The following TMEM87A variants were observed in gnomAD, a reference collection of about 807,000 sequenced individuals.
TMEM87A encodes the protein Golgi-pH regulating cation channel.
In TMEM87A, 50 loss-of-function variants were observed where a neutral mutation model predicts 90.0. That is an observed-to-expected ratio of 0.56 (90% CI 0.44 to 0.70). The LOEUF (loss-of-function observed/expected upper bound fraction) is 0.70, where lower values mean the gene tolerates loss of function less well. Among genes scored for constraint, TMEM87A ranks in the 30% least tolerant of loss-of-function variants. TMEM87A has a pLI of 0.00. For synonymous variants in TMEM87A, 226 were observed against 226.7 expected (o/e 1.00, Z 0.03); for missense variants, 577 against 660.5 (o/e 0.87, Z 1.39).
intron 6 of TMEM87A, among the ~76,000 whole-genome samples, chr15:42,247,145 T>A (rs1477818313): frequency 6.6e-6 from 1 of 152,202 alleles, no homozygotes; most frequent in East Asian, 1.9e-4. Flanking sequence ...TGGGGTTGAT[T>A]TTTTCTTGTA....
chr15:42,251,068 G>C (rs1327196024), intron 6 of TMEM87A, among the ~76,000 whole-genome samples: 1 of 151,898 alleles, frequency 6.6e-6, no homozygotes, highest in African/African-American at 2.4e-5. Flanking sequence ...CATAGTTCTC[G>C]TGCCATGGTT....
intron 6 of TMEM87A, among the ~76,000 whole-genome samples, chr15:42,251,186 ATCC>A (rs1192984943): frequency 6.6e-6 from 1 of 152,128 alleles, no homozygotes. Flanking sequence ...GGGTTTGAAC[ATCC>A]TCCTTTAGCT....
At chr15:42,268,956 A>G (rs2051459184) in intron 2 of TMEM87A, among the ~76,000 whole-genome samples, 1 of 152,220 alleles carries the variant, frequency 6.6e-6, no homozygotes, top group Non-Finnish European at 1.5e-5. Flanking sequence ...CAATGAACGA[A>G]AAGCAAACAT....
At chr15:42,255,085 C>T (rs1245187795) in intron 6 of TMEM87A, among the ~76,000 whole-genome samples, 3 of 151,742 alleles carry the variant, frequency 2.0e-5, no homozygotes, top group Non-Finnish European at 4.4e-5. Flanking sequence ...ACTTCAGCCT[C>T]CCCTGTAGCG....
chr15:42,270,349 G>A (rs959424661), intron 2 of TMEM87A, among the ~76,000 whole-genome samples: 5 of 152,172 alleles, frequency 3.3e-5, no homozygotes, highest in Middle Eastern at 3.4e-3. Context: ...CAGCCTGGGC[G>A]TCACAGCAAA....
intron 6 of TMEM87A, among the ~76,000 whole-genome samples, chr15:42,254,645 G>A (rs988388051): frequency 6.6e-6 from 1 of 152,126 alleles, no homozygotes; most frequent in Non-Finnish European, 1.5e-5. Flanking sequence ...ATGACATTCT[G>A]GAAAAGGCAA....
intron 19 of TMEM87A, among the ~76,000 whole-genome samples, chr15:42,215,405 G>A (rs564796362): frequency 9.8e-5 from 15 of 152,308 alleles, no homozygotes; most frequent in African/African-American, 3.6e-4. Context: ...GGAGGCTGAG[G>A]CAGGAGAATG....
At chr15:42,270,255 A>C (rs1298731996) in intron 2 of TMEM87A, among the ~76,000 whole-genome samples, 1 of 151,990 alleles carries the variant, frequency 6.6e-6, no homozygotes, top group Non-Finnish European at 1.5e-5. Flanking sequence ...CTATAGTCCC[A>C]GCTACTCGGG....
intron 11 of TMEM87A, among the ~76,000 whole-genome samples, chr15:42,232,395 T>C (rs565387144): frequency 3.3e-5 from 5 of 152,204 alleles, no homozygotes; most frequent in Non-Finnish European, 7.3e-5. Context: ...TCTTTATCAC[T>C]TAGATTCTTT....
intron 2 of TMEM87A, among the ~76,000 whole-genome samples, chr15:42,270,880 A>G (rs553911099): frequency 5.3e-5 from 8 of 152,304 alleles, no homozygotes; most frequent in Admixed American, 4.6e-4. Flanking sequence ...CTCCCACTAG[A>G]ATGTAAGCTC....
intron 11 of TMEM87A, chr15:42,231,937 GA>G: frequency 8.1e-7 from 1 of 1,234,342 alleles, no homozygotes; most frequent in Non-Finnish European, 1.1e-6. Flanking sequence ...GCAGAAGAAA[GA>G]AAATGAAATT....
In TMEM87A at chr15:42,233,674, G is replaced by A. The variant is rs111979580; in HGVS notation, c.969-368C>T. 2.5e-3 allele frequency among the ~76,000 whole-genome samples: 376 copies of A among 152,190 alleles called. 3 individuals are homozygous for A. The highest frequency in any genetic ancestry group is 7.7e-3 in the African/African-American group (319 of 41,496). On this transcript the variant is annotated intron_variant, in intron 10 of 19. Transcript: ENST00000389834. ...CCTTTCCACCCTTTCATATTCTCTT[G>A]ATGCAAATCCTAGACAGTATATCTT...
At chr15:42,246,299 G>C (rs1310641061) in intron 6 of TMEM87A, among the ~76,000 whole-genome samples, 1 of 151,788 alleles carries the variant, frequency 6.6e-6, no homozygotes, top group East Asian at 1.9e-4. Context: ...CCCAAGTTTT[G>C]TTGTTTTTTT....
At position 42,211,706 on chromosome 15, in the gene TMEM87A, C is replaced by T; in HGVS notation, c.*2G>A. The T allele has an allele frequency of 6.2e-7, 1 of 1,613,204 alleles. No individual in the cohort carries two copies. Among genetic ancestry groups the T allele is most frequent in the Middle Eastern group, 1.7e-4 (1 of 6,056 alleles). ...ATCTTTAACTGCAAATCTTCCCATTCCTTACTCCATTTTGGACCTTTCAAA... is the reference window on the plus strand; with the variant it reads ...ATCTTTAACTGCAAATCTTCCCATTTCTTACTCCATTTTGGACCTTTCAAA... On this transcript the variant is annotated 3_prime_UTR_variant, in exon 20 of 20. Coordinates refer to ENST00000389834, the MANE Select transcript of TMEM87A (RefSeq NM_015497.5).
At chr15:42,239,848 C>G in intron 7 of TMEM87A, 117 bp from the exon 8 acceptor site, 1 of 842,154 alleles carries the variant, frequency 1.2e-6, no homozygotes, top group Non-Finnish European at 2.0e-6. Flanking sequence ...TACTTTTAGG[C>G]ACTTCAATCC....
chr15:42,273,480 C>G, upstream of TMEM87A: 1 of 1,572,334 alleles, frequency 6.4e-7, no homozygotes, highest in Non-Finnish European at 8.6e-7. Context: ...GCTCTAAGGG[C>G]GGGATTATCC....
At chr15:42,244,190 C>T (rs760530107) in intron 6 of TMEM87A, 23 bp from the exon 7 acceptor site, 1 of 1,457,862 alleles carries the variant, frequency 6.9e-7, no homozygotes, top group Non-Finnish European at 9.3e-7. Context: ...AAGGGCATCA[C>T]ATCTATAAAT....
intron 6 of TMEM87A, among the ~76,000 whole-genome samples, chr15:42,260,150 A>G (rs2051260653): frequency 6.6e-6 from 1 of 152,202 alleles, no homozygotes; most frequent in Non-Finnish European, 1.5e-5. Context: ...AAGTGAGACT[A>G]TTACTTGAGC....
chr15:42,214,510 C>CA (rs1292188475), intron 19 of TMEM87A, among the ~76,000 whole-genome samples: 36 of 152,180 alleles, frequency 2.4e-4, no homozygotes, highest in African/African-American at 8.2e-4. Context: ...ATAGAAAGCC[C>CA]AGAAATAAAA....
Sources: gnomAD v4.1 joint callset for allele counts (sites outside exome capture counted in the v4.1 genomes callset) on GRCh38, gnomAD v4.1.1 for gene constraint, MANE v1.5 for transcripts, NCBI Gene and HGNC (gene_info 2026-07-23, HGNC 2026-07-21) for gene names.